Variants in TENM4 observed in about 807,000 individuals in gnomAD.
The protein encoded by TENM4 is teneurin-4.
In TENM4, 82 loss-of-function variants were observed where a neutral mutation model predicts 243.3. The observed-to-expected ratio is 0.34, with a 90% CI of 0.28 to 0.40. TENM4 has a LOEUF of 0.40. Among genes scored for constraint, TENM4 ranks in the 10% least tolerant of loss-of-function variants. TENM4 has a pLI of 1.00. For synonymous variants in TENM4, 1,412 were observed against 1,456.3 expected (o/e 0.97, Z 0.69); for missense variants, 3,138 against 3,673.3 (o/e 0.85, Z 3.77).
chr11:78,896,005 C>A (rs1855785007), intron 7 of TENM4, among the ~76,000 whole-genome samples: 1 of 152,176 alleles, frequency 6.6e-6, no homozygotes, highest in Non-Finnish European at 1.5e-5. Context: ...GTAGGAGGGG[C>A]TCCCAGTCCC....
chr11:79,274,589 A>G (rs2135351065), intron 2 of TENM4, among the ~76,000 whole-genome samples: 1 of 152,292 alleles, frequency 6.6e-6, no homozygotes, highest in East Asian at 1.9e-4. Context: ...AGGGCTCACC[A>G]GGCCACCCCT....
chr11:79,370,632 A>G (rs1218847559), intron 1 of TENM4, among the ~76,000 whole-genome samples: 1 of 152,072 alleles, frequency 6.6e-6, no homozygotes. Context: ...TGTTGGGAGG[A>G]ACCTGAGCCT....
rs71050214 is a variant in TENM4 at position 79,246,985 on chromosome 11, C to CGA, written c.-264-31077_-264-31076insTC. Among the ~76,000 whole-genome samples the CGA allele has an allele frequency of 2.9e-4, 39 of 133,660 alleles. 1 individual carries two copies. The highest frequency in any genetic ancestry group is 4.0e-3 in the Middle Eastern group (1 of 252). The allele number at this position is 133,660 out of a possible 152,430, so 87.7% of individuals were successfully genotyped here. A position where few individuals can be genotyped will look rare whatever the true frequency, so the allele number is the denominator to read the frequency against. On this transcript the variant is annotated intron_variant, in intron 2 of 33. Transcript: ENST00000278550. ...TTTTCTGGATGAATATTGTATTTCTCAAAAAAAAAAAAACACCCCCCCACC... is the reference window on the plus strand; with the variant it reads ...TTTTCTGGATGAATATTGTATTTCTCGAAAAAAAAAAAAAACACCCCCCCACC...
chr11:79,120,435 C>G (rs1861717869), intron 4 of TENM4, among the ~76,000 whole-genome samples: 1 of 152,196 alleles, frequency 6.6e-6, no homozygotes, highest in South Asian at 2.1e-4. Flanking sequence ...TAACTTAGTG[C>G]CCACCATGGG....
At chr11:78,932,420 C>T (rs190184171) in intron 6 of TENM4, among the ~76,000 whole-genome samples, 13 of 152,194 alleles carry the variant, frequency 8.5e-5, no homozygotes, top group South Asian at 2.1e-4. Context: ...GAGATGGCTC[C>T]GTGAGCATGA....
intron 6 of TENM4, among the ~76,000 whole-genome samples, chr11:78,928,942 T>G (rs1235045193): frequency 6.6e-6 from 1 of 152,220 alleles, no homozygotes; most frequent in African/African-American, 2.4e-5. Flanking sequence ...TGTCTGCATC[T>G]TGCAGAATGA....
At chr11:79,346,522 C>A (rs1283711095) in intron 1 of TENM4, among the ~76,000 whole-genome samples, 8 of 152,094 alleles carry the variant, frequency 5.3e-5, no homozygotes, top group Non-Finnish European at 7.4e-5. Flanking sequence ...CACCTCCCAC[C>A]ACATACACAC....
At chr11:79,357,081 A>G (rs1857509284) in intron 1 of TENM4, among the ~76,000 whole-genome samples, 1 of 152,188 alleles carries the variant, frequency 6.6e-6, no homozygotes, top group African/African-American at 2.4e-5. Flanking sequence ...ACAAAAGGCT[A>G]GGAGACAGAG....
chr11:78,983,146 A>G (rs936765246), intron 6 of TENM4, among the ~76,000 whole-genome samples: 1 of 152,238 alleles, frequency 6.6e-6, no homozygotes, highest in Non-Finnish European at 1.5e-5. Context: ...TTGAGCACCT[A>G]GTGTATAAAA....
chr11:79,016,163 A>G (rs1260834054), intron 6 of TENM4, among the ~76,000 whole-genome samples: 2 of 152,336 alleles, frequency 1.3e-5, no homozygotes, highest in South Asian at 2.1e-4. Flanking sequence ...TAAGTGGAAC[A>G]CAATGATGCT....
intron 3 of TENM4, chr11:79,191,758 G>A (rs1863502818): frequency 1.6e-5 from 3 of 188,672 alleles, no homozygotes; most frequent in Non-Finnish European, 2.2e-5. Flanking sequence ...GGGATGTGAG[G>A]AGCGCCTCGT....
intron 6 of TENM4, among the ~76,000 whole-genome samples, chr11:79,063,590 CT>C (rs1444125826): frequency 6.6e-6 from 1 of 152,162 alleles, no homozygotes; most frequent in Non-Finnish European, 1.5e-5. Flanking sequence ...CGGTGCTGAC[CT>C]GGCTCAGCAA....
At chr11:79,229,296 C>T (rs951509369) in intron 2 of TENM4, among the ~76,000 whole-genome samples, 2 of 152,376 alleles carry the variant, frequency 1.3e-5, no homozygotes, top group African/African-American at 4.8e-5. Flanking sequence ...CTTCCACCTT[C>T]AGAAGACCAA....
At chr11:79,195,898 A>G (rs1416120645) in intron 3 of TENM4, among the ~76,000 whole-genome samples, 1 of 152,158 alleles carries the variant, frequency 6.6e-6, no homozygotes, top group Non-Finnish European at 1.5e-5. Flanking sequence ...ACAAATCTCA[A>G]CTTGAATTGT....
At chr11:78,837,305 G>A (rs968528170) in intron 12 of TENM4, among the ~76,000 whole-genome samples, 8 of 152,110 alleles carry the variant, frequency 5.3e-5, no homozygotes, top group African/African-American at 1.7e-4. Context: ...ATTCTCTCTT[G>A]TGTGCCACCA....
intron 6 of TENM4, among the ~76,000 whole-genome samples, chr11:79,031,418 G>A (rs1474479648): frequency 6.6e-6 from 1 of 152,126 alleles, no homozygotes; most frequent in East Asian, 1.9e-4. Flanking sequence ...TTAAAGCCAG[G>A]GTGGGGAGTC....
At chr11:78,786,229 G>C (rs978624653) in intron 16 of TENM4, among the ~76,000 whole-genome samples, 1 of 152,216 alleles carries the variant, frequency 6.6e-6, no homozygotes. Flanking sequence ...CCAAGGGAGG[G>C]GAAAGGAGAC....
At chr11:79,330,169 T>C (rs1324311797) in intron 1 of TENM4, among the ~76,000 whole-genome samples, 2 of 152,116 alleles carry the variant, frequency 1.3e-5, no homozygotes, top group Admixed American at 1.3e-4. Flanking sequence ...AAAGCAGAAC[T>C]GGGAAGAATG....
At chr11:78,738,934 C>T (rs1465085848) in intron 19 of TENM4, among the ~76,000 whole-genome samples, 3 of 152,006 alleles carry the variant, frequency 2.0e-5, no homozygotes, top group African/African-American at 7.2e-5. Flanking sequence ...CTTGGCTCTG[C>T]CACTTCCTAG....
Sources: gnomAD v4.1 joint callset for allele counts (sites outside exome capture counted in the v4.1 genomes callset) on GRCh38, gnomAD v4.1.1 for gene constraint, MANE v1.5 for transcripts, NCBI Gene and HGNC (gene_info 2026-07-23, HGNC 2026-07-21) for gene names.